The following DIP2C variants were observed in gnomAD, a reference collection of about 807,000 sequenced individuals.
DIP2C encodes the protein disco-interacting protein 2 homolog C.
DIP2C carries 33 observed loss-of-function variants against 192.4 expected under a neutral mutation model. The ratio of observed to expected loss-of-function variants is 0.17; its 90% CI spans 0.13 to 0.23. DIP2C has a LOEUF of 0.23. Ranked by LOEUF, DIP2C falls within the 10% of genes least tolerant of loss-of-function variation. DIP2C has a pLI of 1.00. For synonymous variants in DIP2C, 979 were observed against 864.1 expected (o/e 1.13, Z -2.33); for missense variants, 1,537 against 2,110.1 (o/e 0.73, Z 5.32).
At chr10:359,396 G>A (rs1376883910) in intron 22 of DIP2C, among the ~76,000 whole-genome samples, 1 of 152,214 alleles carries the variant, frequency 6.6e-6, no homozygotes, top group Admixed American at 6.5e-5. Context: ...AACGGTCTAT[G>A]AGCAGATGTC....
intron 1 of DIP2C, among the ~76,000 whole-genome samples, chr10:568,326 G>T (rs188105360): frequency 6.6e-6 from 1 of 152,196 alleles, no homozygotes; most frequent in Non-Finnish European, 1.5e-5. Flanking sequence ...CGACTCATGC[G>T]TGAAATCAGA....
intron 8 of DIP2C, 52 bp downstream of exon 8, chr10:413,861 A>G: frequency 6.3e-7 from 1 of 1,585,078 alleles, no homozygotes; most frequent in East Asian, 2.3e-5. Context: ...TGCGTTCGGG[A>G]GTGGCTGTGC....
intron 1 of DIP2C, among the ~76,000 whole-genome samples, chr10:517,433 C>T (rs571874201): frequency 2.4e-4 from 36 of 152,156 alleles, no homozygotes; most frequent in Non-Finnish European, 4.4e-4. Context: ...CCAAGCCCGA[C>T]GCTCCGCCCC....
At chr10:561,329 T>C (rs1215207379) in intron 1 of DIP2C, among the ~76,000 whole-genome samples, 3 of 152,160 alleles carry the variant, frequency 2.0e-5, no homozygotes, top group Non-Finnish European at 2.9e-5. Flanking sequence ...GAGGCAGCAA[T>C]TGCCCACTGT....
At chr10:381,626 C>G (rs1020146166) in intron 17 of DIP2C, among the ~76,000 whole-genome samples, 3 of 152,220 alleles carry the variant, frequency 2.0e-5, no homozygotes, top group Non-Finnish European at 4.4e-5. Flanking sequence ...CCAGGCAAGA[C>G]AGTGGGAGGG....
In DIP2C at chr10:651,233, A is replaced by C; in HGVS notation, c.85+38261T>G. 1 of 716,844 alleles carries C rather than the reference A, an allele frequency of 1.4e-6. No individual in the cohort carries two copies. The highest frequency in any genetic ancestry group is 1.5e-5 in the South Asian group (1 of 67,608). 44.4% of individuals were successfully genotyped at this position (716,844 alleles called of 1,614,324 possible). ...TGTCCTCACCTGCATCACACCAATGATGGCGTCACAGCGTGGGTTCCGGTC... is the reference window on the plus strand; with the variant it reads ...TGTCCTCACCTGCATCACACCAATGCTGGCGTCACAGCGTGGGTTCCGGTC... On this transcript the variant is annotated intron_variant, in intron 1 of 36. Coordinates refer to ENST00000280886, the MANE Select transcript of DIP2C (RefSeq NM_014974.3). The surrounding 1 kb of genome is among the most constrained non-coding windows in gnomAD (Gnocchi z 4.1).
chr10:294,173 G>A (rs1010908155), intron 32 of DIP2C, among the ~76,000 whole-genome samples: 2 of 152,048 alleles, frequency 1.3e-5, no homozygotes, highest in African/African-American at 2.4e-5. Context: ...TGCAGGTGTG[G>A]ACTGAGCCGA....
chr10:428,122 G>A lies in DIP2C; in HGVS notation c.395-5089C>T, dbSNP rs116976056. On this transcript the variant is annotated intron_variant, in intron 4 of 36. Transcript: ENST00000280886. ...TGGTACAGCACGGACTTCAAAACAG[G>A]TGAAGGTGTAGAGAAGCGTGGACAT... Among the ~76,000 whole-genome samples the A allele has an allele frequency of 1.3e-3, 195 of 152,212 alleles. No homozygotes were observed. The East Asian group carries it at 0.013, about 10-fold the overall frequency.
intron 17 of DIP2C, 185 bp from the exon 18 acceptor site, chr10:369,818 G>A (rs1181237799): frequency 2.3e-6 from 3 of 1,297,076 alleles, no homozygotes; most frequent in Non-Finnish European, 3.2e-6. Context: ...ACAGCTGGCA[G>A]CGAGTCTACT....
intron 1 of DIP2C, among the ~76,000 whole-genome samples, chr10:567,539 CTT>C (rs1221882553): frequency 2.0e-5 from 3 of 152,204 alleles, no homozygotes; most frequent in Non-Finnish European, 2.9e-5. Context: ...TGTTGATTCT[CTT>C]AATCAGAAAA....
At chr10:440,793 A>T in intron 4 of DIP2C, 78 bp downstream of exon 4, 1 of 1,505,230 alleles carries the variant, frequency 6.6e-7, no homozygotes, top group Non-Finnish European at 8.8e-7. Flanking sequence ...GAAAGCAAAA[A>T]CCCCTGATTG....
At chr10:457,322 G>T (rs1969383988) in intron 3 of DIP2C, among the ~76,000 whole-genome samples, 3 of 151,998 alleles carry the variant, frequency 2.0e-5, no homozygotes, top group Non-Finnish European at 4.4e-5. Flanking sequence ...TTTCCAAGAT[G>T]TCTTCTGACT....
At chr10:605,649 A>T (rs1472849665) in intron 1 of DIP2C, among the ~76,000 whole-genome samples, 1 of 152,218 alleles carries the variant, frequency 6.6e-6, no homozygotes, top group Admixed American at 6.5e-5. Flanking sequence ...CGCCTGCCTG[A>T]ACATTTCATT....
At chr10:571,226 C>CA (rs1487142603) in intron 1 of DIP2C, among the ~76,000 whole-genome samples, 2 of 152,262 alleles carry the variant, frequency 1.3e-5, no homozygotes, top group African/African-American at 4.8e-5. Flanking sequence ...TCCAACCTGA[C>CA]AGCAAACAGT....
At chr10:394,273 T>A (rs1162068188) in intron 10 of DIP2C, among the ~76,000 whole-genome samples, 1 of 151,976 alleles carries the variant, frequency 6.6e-6, no homozygotes, top group East Asian at 1.9e-4. Context: ...GGAAGGACAT[T>A]ACGTCACACA....
intron 1 of DIP2C, among the ~76,000 whole-genome samples, chr10:510,081 C>T (rs1376315345): frequency 2.6e-5 from 4 of 152,194 alleles, no homozygotes; most frequent in African/African-American, 7.2e-5. Flanking sequence ...TGACATCGAA[C>T]GGAGGGAGTT....
chr10:527,594 CCAGAGATGTAAATACAGATGCA>C (rs1194469185), intron 1 of DIP2C, among the ~76,000 whole-genome samples: 1 of 152,160 alleles, frequency 6.6e-6, no homozygotes, highest in Non-Finnish European at 1.5e-5. Flanking sequence ...TGTCAAATAA[CCAGAGATGTAAATACAGATGCA>C]GACACAGATA....
At chr10:682,756 AT>A (rs1325440173) in intron 1 of DIP2C, among the ~76,000 whole-genome samples, 1 of 151,870 alleles carries the variant, frequency 6.6e-6, no homozygotes. Context: ...AAAAAAAAAA[AT>A]CAATCGTGCC....
At chr10:522,997 C>T (rs548620539) in intron 1 of DIP2C, among the ~76,000 whole-genome samples, 56 of 150,686 alleles carry the variant, frequency 3.7e-4, no homozygotes, top group African/African-American at 1.1e-3. Context: ...TGAGGATGCA[C>T]GGACTCTGTG....
Sources: gnomAD v4.1 joint callset for allele counts (sites outside exome capture counted in the v4.1 genomes callset) on GRCh38, gnomAD v4.1.1 for gene constraint, Gnocchi (gnomAD v3.1) non-coding constraint, MANE v1.5 for transcripts, NCBI Gene and HGNC (gene_info 2026-07-23, HGNC 2026-07-21) for gene names.